SCARA5: variants seen among roughly 807,000 people sequenced by gnomAD.
SCARA5 encodes scavenger receptor class A member 5.
A neutral mutation model predicts 46.3 loss-of-function variants in SCARA5; 45 were observed. The observed-to-expected ratio is 0.97, with a 90% CI of 0.76 to 1.24. The LOEUF is 1.24. Ranked by LOEUF, SCARA5 falls within the 50% of genes most tolerant of loss-of-function variation. The pLI is 0.00. For missense variants in SCARA5, 680 were observed against 689.0 expected, an observed-to-expected ratio of 0.99 and a Z score of 0.15; for synonymous variants, 333 against 306.5, an observed-to-expected ratio of 1.09 and a Z score of -0.90.
intron 3 of SCARA5, among the ~76,000 whole-genome samples, chr8:27,924,836 A>G (rs1417342176): frequency 2.0e-5 from 3 of 152,206 alleles, no homozygotes; most frequent in Non-Finnish European, 2.9e-5. Flanking sequence ...ATTCCTATAC[A>G]CCAATAACAG....
intron 7 of SCARA5, among the ~76,000 whole-genome samples, chr8:27,881,126 G>A (rs1268045822): frequency 1.3e-5 from 2 of 152,158 alleles, no homozygotes; most frequent in Non-Finnish European, 2.9e-5. Context: ...ACTGTGGAAA[G>A]CAGTTTGGAG....
At chr8:27,879,119 T>G (rs538170854) in intron 8 of SCARA5, among the ~76,000 whole-genome samples, 1 of 152,306 alleles carries the variant, frequency 6.6e-6, no homozygotes, top group African/African-American at 2.4e-5. Flanking sequence ...ATGATACCTG[T>G]ATACTTCATA....
At chr8:27,986,953 G>T (rs1808714242) in intron 2 of SCARA5, among the ~76,000 whole-genome samples, 1 of 152,240 alleles carries the variant, frequency 6.6e-6, no homozygotes, top group Non-Finnish European at 1.5e-5. Flanking sequence ...AAAGGAAGCT[G>T]CATCACTTGG....
At chr8:27,892,121 C>T (rs139904346) in intron 7 of SCARA5, among the ~76,000 whole-genome samples, 2 of 152,180 alleles carry the variant, frequency 1.3e-5, no homozygotes, top group Non-Finnish European at 1.5e-5. Context: ...CTGGGGAATA[C>T]GGAGAGAGCT....
intron 7 of SCARA5, among the ~76,000 whole-genome samples, chr8:27,904,156 G>A (rs1293108310): frequency 1.3e-5 from 2 of 152,158 alleles, no homozygotes; most frequent in African/African-American, 2.4e-5. Flanking sequence ...CTGCCGGATC[G>A]CAAGCTCTCC....
At position 27,922,176 on chromosome 8, in the gene SCARA5, C is replaced by A; in HGVS notation, c.311G>T (p.Ser104Ile). Residue 104 changes from serine to isoleucine, a missense_variant, in exon 4 of 9, where the codon AGC (serine) becomes ATC (isoleucine). Coordinates refer to ENST00000354914, the MANE Select transcript of SCARA5 (RefSeq NM_173833.6). The part of the protein sequence containing the change: ...LTRNVNRLNE[S>I]FRDLQLRLLQ... The stretch of plus-strand genomic sequence containing the variant: ...CAGCCGCAGCTGCAAGTCCCGGAAG[C>A]TCTCATTCAGCCGGTTCACATTGCG... 6.2e-7 allele frequency: 1 copy of A among 1,607,038 alleles called. No homozygotes were observed. Among genetic ancestry groups the A allele is most frequent in the South Asian group, 1.1e-5 (1 of 89,492 alleles).
rs1224026831 is a variant in SCARA5 at position 27,892,605 on chromosome 8, C to CTTTTTTTT, written c.1153+12172_1153+12173insAAAAAAAA. On this transcript the variant is annotated intron_variant, in intron 7 of 8. Coordinates refer to ENST00000354914, the MANE Select transcript of SCARA5 (RefSeq NM_173833.6). ...CAGAAGTGACCTCTCCATACCTCAC[C>CTTTTTTTT]CTTTTTTTTTTTTTTTTTTTTTGAG... Among the ~76,000 whole-genome samples the CTTTTTTTT allele has an allele frequency of 8.3e-5, 10 of 119,788 alleles. 3 individuals carry two copies. Among genetic ancestry groups the CTTTTTTTT allele is most frequent in the Non-Finnish European group, 7.4e-5 (4 of 54,228 alleles). The allele number at this position is 119,788 out of a possible 152,430, so 78.6% of individuals were successfully genotyped here.
At position 27,921,837 on chromosome 8, in the gene SCARA5, C is replaced by A; in HGVS notation, c.650G>T (p.Gly217Val). 6.5e-7 allele frequency: 1 copy of A among 1,541,546 alleles called. No individual in the cohort carries two copies. The highest frequency in any genetic ancestry group is 8.7e-7 in the Non-Finnish European group (1 of 1,149,974). Residue 217 changes from glycine to valine, a missense_variant, in exon 4 of 9, where the codon GGC (glycine) becomes GTC (valine). By Grantham distance (109) the Gly-to-Val change is moderately radical. Coordinates refer to ENST00000354914, the MANE Select transcript of SCARA5 (RefSeq NM_173833.6). The part of the protein sequence containing the change: ...DGLARRVGIL[G>V]EELADVGGVL... Reference sequence around the variant, plus strand: ...GCCGCCCACGTCGGCCAGCTCCTCGCCCAGGATGCCCACCCTGCGCGCCAG... The same window carrying A: ...GCCGCCCACGTCGGCCAGCTCCTCGACCAGGATGCCCACCCTGCGCGCCAG...
In SCARA5 at chr8:27,987,580, G is replaced by A. The variant is rs370783416; in HGVS notation, c.36C>T (p.Ser12=). The change falls in exon 2 of 9, where the codon AGC becomes AGT. Residue 12 remains serine, a synonymous_variant. Coordinates refer to ENST00000354914, the MANE Select transcript of SCARA5 (RefSeq NM_173833.6). ...ENKAMYLHTV[S]DCDTSSICED... Reference sequence around the variant, plus strand: ...CACAGATGGAGCTGGTGTCACAGTCGCTGACGGTGTGTAGGTACATAGCTT... The same window carrying A: ...CACAGATGGAGCTGGTGTCACAGTCACTGACGGTGTGTAGGTACATAGCTT... 5.5e-5 allele frequency: 89 copies of A among 1,613,864 alleles called. 2 individuals carry two copies. The highest frequency in any genetic ancestry group is 2.0e-4 in the African/African-American group (15 of 75,036).
At chr8:27,962,436 C>G (rs949377661) in intron 3 of SCARA5, among the ~76,000 whole-genome samples, 1 of 152,178 alleles carries the variant, frequency 6.6e-6, no homozygotes, top group African/African-American at 2.4e-5. Flanking sequence ...ATAACATCCT[C>G]AACATCATTC....
At chr8:27,951,111 A>G (rs1808119712) in intron 3 of SCARA5, among the ~76,000 whole-genome samples, 1 of 152,230 alleles carries the variant, frequency 6.6e-6, no homozygotes, top group South Asian at 2.1e-4. Context: ...GCCCAAACTC[A>G]TGGAATTTTT....
chr8:27,871,706 T>C lies in SCARA5; in HGVS notation c.*228A>G. On this transcript the variant is annotated 3_prime_UTR_variant, in exon 9 of 9. Coordinates refer to ENST00000354914, the MANE Select transcript of SCARA5 (RefSeq NM_173833.6). ...GATCAGGGCTCCTCATGCAGGAACC[T>C]GGTGGAAGAGAGAGACGGGCAGTAG... The C allele has an allele frequency of 7.2e-7, 1 of 1,390,340 alleles. No individual in the cohort carries two copies. Among genetic ancestry groups the C allele is most frequent in the Non-Finnish European group, 9.3e-7 (1 of 1,072,432 alleles). The allele number at this position is 1,390,340 out of a possible 1,614,324, so 86.1% of individuals were successfully genotyped here. A position where few individuals can be genotyped will look rare whatever the true frequency, so the allele number is the denominator to read the frequency against.
chr8:27,884,166 T>C (rs1323696188), intron 7 of SCARA5, among the ~76,000 whole-genome samples: 2 of 152,190 alleles, frequency 1.3e-5, no homozygotes, highest in African/African-American at 2.4e-5. Context: ...CGATATTGGA[T>C]GTATTTGCTG....
intron 3 of SCARA5, among the ~76,000 whole-genome samples, chr8:27,926,384 G>T (rs1484376619): frequency 2.6e-5 from 4 of 152,136 alleles, no homozygotes; most frequent in Non-Finnish European, 5.9e-5. Flanking sequence ...ACTCATAGGT[G>T]GGAATTGAAC....
chr8:27,900,786 C>CG (rs1237599771), intron 7 of SCARA5, among the ~76,000 whole-genome samples: 4 of 133,872 alleles, frequency 3.0e-5, no homozygotes, highest in African/African-American at 8.9e-5. Flanking sequence ...GTATACGTAG[C>CG]GGGTTTTTTT....
chr8:27,872,187 C>T (rs1806650579), intron 8 of SCARA5, 117 bp from the exon 9 acceptor site: 1 of 1,035,642 alleles, frequency 9.7e-7, no homozygotes, highest in Non-Finnish European at 1.4e-6. Context: ...AACCTAGGGG[C>T]TTCCAGCTGC....
intron 5 of SCARA5, among the ~76,000 whole-genome samples, chr8:27,908,458 A>G (rs1337123789): frequency 6.6e-6 from 1 of 152,160 alleles, no homozygotes; most frequent in East Asian, 1.9e-4. Flanking sequence ...GAGCACCCTT[A>G]ATTAACTGAC....
Position 27,904,759 on chromosome 8 carries a change from C to T in SCARA5, c.1153+19G>A. ...CTGTGCCAACACCATATCCCACGGC[C>T]CCAGCAGAATGTCCTTACTGGCATC... On this transcript the variant is annotated intron_variant, in intron 7 of 8. Transcript: ENST00000354914. The T allele has an allele frequency of 1.9e-6, 3 of 1,610,672 alleles. No homozygotes were observed. The highest frequency in any genetic ancestry group is 2.2e-5 in the East Asian group (1 of 44,876).
intron 7 of SCARA5, among the ~76,000 whole-genome samples, chr8:27,901,007 G>A (rs1056330907): frequency 9.9e-5 from 15 of 152,092 alleles, no homozygotes; most frequent in African/African-American, 3.6e-4. Flanking sequence ...CTGGTGGGGT[G>A]GGGTTGGGCG....
Sources: allele counts gnomAD v4.1 joint callset (sites outside exome capture counted in the v4.1 genomes callset), GRCh38; gene constraint gnomAD v4.1.1; transcripts MANE v1.5; gene names NCBI Gene and HGNC (gene_info 2026-07-23, HGNC 2026-07-21).